The following OMA1 variants were observed in gnomAD, a reference collection of about 807,000 sequenced individuals.
OMA1 encodes the protein OMA1 zinc metallopeptidase.
Under a neutral mutation model 30.9 loss-of-function variants are expected in OMA1, and 38 were observed. The ratio of observed to expected loss-of-function variants is 1.23; its 90% CI spans 0.95 to 1.61. The LOEUF (loss-of-function observed/expected upper bound fraction) is 1.61. Among genes scored for constraint, OMA1 ranks in the 40% most tolerant of loss-of-function variants. The probability of loss-of-function intolerance (pLI) is 0.00; values close to 1 mark genes in which losing one functional copy is unlikely to be tolerated. For missense variants in OMA1, 461 were observed against 349.2 expected (o/e 1.32, Z -2.55); for synonymous variants, 173 against 121.9 (o/e 1.42, Z -2.76).
intron 5 of OMA1, among the ~76,000 whole-genome samples, chr1:58,532,574 C>CTAGA (rs1646450574): frequency 6.6e-6 from 1 of 152,144 alleles, no homozygotes. Flanking sequence ...GTCACCCAGG[C>CTAGA]TAGAGTGCAG....
chr1:58,482,684 G>T (rs1302999038), intron 8 of OMA1, among the ~76,000 whole-genome samples: 1 of 152,094 alleles, frequency 6.6e-6, no homozygotes, highest in East Asian at 1.9e-4. Context: ...GACTTTGGGG[G>T]TCAAGAGGGG....
intron 1 of OMA1, among the ~76,000 whole-genome samples, chr1:58,543,102 T>C (rs1484730997): frequency 2.0e-5 from 3 of 152,084 alleles, no homozygotes; most frequent in Non-Finnish European, 4.4e-5. Context: ...ACCTCCCTGA[T>C]TCCCATGAAA....
At chr1:58,503,904 G>A (rs933972790) in intron 8 of OMA1, among the ~76,000 whole-genome samples, 2 of 152,174 alleles carry the variant, frequency 1.3e-5, no homozygotes, top group Non-Finnish European at 2.9e-5. Flanking sequence ...CAAAAGGCAC[G>A]AAGTATGCCT....
intron 7 of OMA1, among the ~76,000 whole-genome samples, chr1:58,517,566 C>A (rs920141956): frequency 3.3e-5 from 5 of 152,178 alleles, no homozygotes; most frequent in African/African-American, 1.2e-4. Flanking sequence ...CTGCTACATT[C>A]TCCCATGGAA....
intron 5 of OMA1, among the ~76,000 whole-genome samples, chr1:58,532,683 A>G (rs1390591744): frequency 1.3e-5 from 2 of 151,818 alleles, no homozygotes; most frequent in African/African-American, 2.4e-5. Flanking sequence ...GTGAGCCACC[A>G]TGCTCAGCTA....
At chr1:58,537,542 T>C (rs958783912) in intron 2 of OMA1, among the ~76,000 whole-genome samples, 3 of 148,442 alleles carry the variant, frequency 2.0e-5, no homozygotes, top group African/African-American at 7.6e-5. Flanking sequence ...GCAACAATAC[T>C]CTCTGCCACT....
At chr1:58,488,226 G>A (rs697594) in intron 8 of OMA1, among the ~76,000 whole-genome samples, 23,034 of 151,876 alleles carry the variant, frequency 0.15, 1,978 homozygotes, top group Admixed American at 0.26. Context: ...TTACATGTGC[G>A]GAATTTTAAT....
At chr1:58,520,760 C>A (rs1646249358) in intron 7 of OMA1, among the ~76,000 whole-genome samples, 1 of 152,040 alleles carries the variant, frequency 6.6e-6, no homozygotes, top group African/African-American at 2.4e-5. Context: ...CTAGGAAAAT[C>A]TAACAATCTA....
At chr1:58,496,683 T>A (rs1368837357) in intron 8 of OMA1, among the ~76,000 whole-genome samples, 1 of 152,188 alleles carries the variant, frequency 6.6e-6, no homozygotes, top group Non-Finnish European at 1.5e-5. Context: ...CTTTCAACTC[T>A]GTTTTTCCAA....
At chr1:58,508,983 C>T (rs1049444959) in intron 7 of OMA1, among the ~76,000 whole-genome samples, 2 of 152,074 alleles carry the variant, frequency 1.3e-5, no homozygotes, top group African/African-American at 4.8e-5. Context: ...GGACCCTAGA[C>T]ACCTAGGCAC....
At chr1:58,509,922 C>A (rs988944993) in intron 7 of OMA1, among the ~76,000 whole-genome samples, 2 of 151,914 alleles carry the variant, frequency 1.3e-5, no homozygotes, top group African/African-American at 4.8e-5. Context: ...AAGAAATATA[C>A]AACCCACTAA....
Position 58,524,625 on chromosome 1 carries a change from A to G in OMA1, c.1215+2636T>C, listed in dbSNP as rs140299489. Among the ~76,000 whole-genome samples, 13 of 152,236 alleles carry G rather than the reference A, an allele frequency of 8.5e-5. No homozygotes were observed. In the East Asian group the frequency reaches 2.5e-3, roughly 29 times the overall value. ...CACAAATTTTCTTTTCCTTTTTTCA[A>G]CGGTCCTTATTCTGGATTCGTTTAT... is the stretch of plus-strand genomic sequence containing the variant. On this transcript the variant is annotated intron_variant, in intron 7 of 8. Transcript: ENST00000371226.
At chr1:58,531,340 G>A (rs1189073675) in intron 5 of OMA1, among the ~76,000 whole-genome samples, 5 of 152,110 alleles carry the variant, frequency 3.3e-5, no homozygotes, top group Admixed American at 6.5e-5. Flanking sequence ...ATACAAGTTT[G>A]TAAATTTGTA....
intron 8 of OMA1, among the ~76,000 whole-genome samples, chr1:58,490,340 C>G (rs1484459734): frequency 6.6e-6 from 1 of 152,008 alleles, no homozygotes; most frequent in Non-Finnish European, 1.5e-5. Context: ...GAAAAGGTAT[C>G]AGTGATGGAA....
At chr1:58,526,601 CAA>C (rs10574530) in intron 7 of OMA1, among the ~76,000 whole-genome samples, 36,402 of 121,366 alleles carry the variant, frequency 0.3, 5,783 homozygotes, top group Non-Finnish European at 0.39. Context: ...CTATGGCTAG[CAA>C]AAAAAAAAAA....
intron 8 of OMA1, among the ~76,000 whole-genome samples, chr1:58,491,003 T>G (rs1645677540): frequency 6.6e-6 from 1 of 151,564 alleles, no homozygotes; most frequent in African/African-American, 2.4e-5. Context: ...GAGACGGGGT[T>G]TCACCATGTT....
At chr1:58,491,827 C>G (rs1645697967) in intron 8 of OMA1, among the ~76,000 whole-genome samples, 2 of 152,206 alleles carry the variant, frequency 1.3e-5, no homozygotes, top group African/African-American at 4.8e-5. Flanking sequence ...GAGACTTTAA[C>G]ACCCCACTGT....
chr1:58,513,454 A>G (rs1219691085), intron 7 of OMA1, among the ~76,000 whole-genome samples: 2 of 152,214 alleles, frequency 1.3e-5, no homozygotes, highest in African/African-American at 4.8e-5. Flanking sequence ...ATTGAACTGA[A>G]CTAAATAACT....
intron 8 of OMA1, among the ~76,000 whole-genome samples, chr1:58,485,400 T>C (rs1327539567): frequency 2.6e-5 from 4 of 151,984 alleles, no homozygotes; most frequent in Admixed American, 2.0e-4. Context: ...ACTTTGGAGA[T>C]GTCTGAGCTA....
Sources: gnomAD v4.1 joint callset for allele counts (sites outside exome capture counted in the v4.1 genomes callset) on GRCh38, gnomAD v4.1.1 for gene constraint, MANE v1.5 for transcripts, NCBI Gene and HGNC (gene_info 2026-07-23, HGNC 2026-07-21) for gene names.